The following ANO2 variants were observed in gnomAD, a reference collection of about 807,000 sequenced individuals.
ANO2 encodes the protein anoctamin 2, also known as anoctamin-2.
A neutral mutation model predicts 124.2 loss-of-function variants in ANO2; 101 were observed. The ratio of observed to expected loss-of-function variants is 0.81; its 90% CI spans 0.69 to 0.96. The LOEUF (loss-of-function observed/expected upper bound fraction) is 0.96. Ranked by LOEUF, ANO2 falls within the 40% of genes least tolerant of loss-of-function variation. ANO2 has a pLI of 0.00. For missense variants in ANO2, 1,293 were observed against 1,274.5 expected (o/e 1.01, Z -0.22); for synonymous variants, 486 against 482.5 (o/e 1.01, Z -0.09).
In ANO2 at chr12:5,811,259, G is replaced by A. The variant is rs183011714; in HGVS notation, c.893-3891C>T. Among the ~76,000 whole-genome samples, 24 of 152,272 alleles carry A rather than the reference G, an allele frequency of 1.6e-4. No homozygotes were observed. The East Asian group carries it at 1.7e-3, about 11-fold the overall frequency. On this transcript the variant is annotated intron_variant, in intron 7 of 24. Coordinates refer to ENST00000682330, the MANE Select transcript of ANO2 (RefSeq NM_001364791.2). ...GTGCTTTCATCCCTGCACTCCAGCCGGACGTAAATCTAAACCAGAACTCCC... is the reference window on the plus strand; with the variant it reads ...GTGCTTTCATCCCTGCACTCCAGCCAGACGTAAATCTAAACCAGAACTCCC...
At chr12:5,885,509 A>G (rs1043320115) in intron 3 of ANO2, among the ~76,000 whole-genome samples, 3 of 152,366 alleles carry the variant, frequency 2.0e-5, no homozygotes, top group South Asian at 2.1e-4. Context: ...CTAATGCACT[A>G]TATCACAAAT....
intron 14 of ANO2, among the ~76,000 whole-genome samples, chr12:5,691,732 C>T (rs1177870083): frequency 3.3e-5 from 5 of 151,960 alleles, no homozygotes; most frequent in Admixed American, 6.6e-5. Context: ...GGCAAAACCC[C>T]GTCTCTACTA....
chr12:5,875,097 A>G (rs564476375), intron 3 of ANO2, among the ~76,000 whole-genome samples: 1 of 152,328 alleles, frequency 6.6e-6, no homozygotes, highest in African/African-American at 2.4e-5. Flanking sequence ...AATTGTTTAC[A>G]TGTCTGTCTG....
intron 14 of ANO2, among the ~76,000 whole-genome samples, chr12:5,721,700 G>A (rs1197544718): frequency 6.6e-6 from 1 of 152,070 alleles, no homozygotes; most frequent in Non-Finnish European, 1.5e-5. Flanking sequence ...TAGAGACACG[G>A]TCTTACTACG....
chr12:5,628,428 G>A (rs1591770784), intron 16 of ANO2, among the ~76,000 whole-genome samples: 1 of 152,330 alleles, frequency 6.6e-6, no homozygotes, highest in Non-Finnish European at 1.5e-5. Context: ...TGGGGAACAA[G>A]GACAGCTACA....
intron 20 of ANO2, among the ~76,000 whole-genome samples, chr12:5,585,802 A>C (rs530196881): frequency 9.9e-5 from 15 of 152,208 alleles, no homozygotes; most frequent in Non-Finnish European, 2.1e-4. Context: ...CCCAAGCAAC[A>C]AATCATTACT....
At chr12:5,664,909 G>A (rs551193831) in intron 14 of ANO2, among the ~76,000 whole-genome samples, 3 of 152,308 alleles carry the variant, frequency 2.0e-5, no homozygotes, top group East Asian at 1.9e-4. Flanking sequence ...ATTTGATCAT[G>A]AAACTTTTTG....
chr12:5,834,233 A>T (rs1954246451), intron 4 of ANO2, among the ~76,000 whole-genome samples: 1 of 152,234 alleles, frequency 6.6e-6, no homozygotes, highest in Non-Finnish European at 1.5e-5. Context: ...AGTGTGGGCT[A>T]ATCTGTCAGG....
At chr12:5,571,686 TC>T (rs1239985180) in intron 23 of ANO2, among the ~76,000 whole-genome samples, 1 of 152,048 alleles carries the variant, frequency 6.6e-6, no homozygotes, top group Admixed American at 6.5e-5. Context: ...CTCCTCCTCC[TC>T]CCCTCTCTCT....
chr12:5,565,467 G>A (rs956031104), intron 24 of ANO2, 91 bp downstream of exon 24: 11 of 1,122,756 alleles, frequency 9.8e-6, no homozygotes, highest in African/African-American at 1.6e-5. Flanking sequence ...GAGTACCACC[G>A]GAACCTGGAG....
intron 19 of ANO2, 79 bp from the exon 20 acceptor site, chr12:5,599,708 C>T: frequency 6.6e-7 from 1 of 1,504,764 alleles, no homozygotes; most frequent in Non-Finnish European, 9.0e-7. Flanking sequence ...AGAAAAAGAA[C>T]ACAAAAGTTT....
rs1056086743 is a variant in ANO2 at position 5,900,321 on chromosome 12, G to C, written c.534+20719C>G. The stretch of plus-strand genomic sequence containing the variant: ...GACTTACTCCCTGGAACACATGGTT[G>C]TTTGGATCAGGCATCCGTTTCTGAG... On this transcript the variant is annotated intron_variant, in intron 3 of 24. Coordinates refer to ENST00000682330, the MANE Select transcript of ANO2 (RefSeq NM_001364791.2). This position sits in a 1 kb window ranked among gnomAD's most constrained non-coding sequence, Gnocchi z 4.2. 6.6e-6 allele frequency among the ~76,000 whole-genome samples: 1 copy of C among 152,218 alleles called. No homozygotes were observed. Among genetic ancestry groups the C allele is most frequent in the East Asian group, 1.9e-4 (1 of 5,206 alleles).
chr12:5,831,650 G>A, intron 5 of ANO2, among the ~76,000 whole-genome samples: 1 of 152,182 alleles, frequency 6.6e-6, no homozygotes, highest in East Asian at 1.9e-4. Flanking sequence ...GCATATTCAT[G>A]TGTGTAGGAT....
intron 1 of ANO2, among the ~76,000 whole-genome samples, chr12:5,940,062 AATGG>A (rs200562212): frequency 9.2e-5 from 14 of 151,482 alleles, no homozygotes; most frequent in Admixed American, 6.6e-4. Flanking sequence ...TTTTTAAATC[AATGG>A]ATGGATGGAT....
At chr12:5,661,227 A>T (rs1360040015) in intron 14 of ANO2, among the ~76,000 whole-genome samples, 1 of 152,166 alleles carries the variant, frequency 6.6e-6, no homozygotes, top group African/African-American at 2.4e-5. Flanking sequence ...TGGGTCACAT[A>T]GAATTTCTTA....
chr12:5,617,729 C>T (rs1157810838), intron 16 of ANO2, among the ~76,000 whole-genome samples: 2 of 152,186 alleles, frequency 1.3e-5, no homozygotes, highest in African/African-American at 4.8e-5. Flanking sequence ...CACTGTACCA[C>T]ACTCTCCGGA....
chr12:5,857,915 G>A (rs1565728142), intron 3 of ANO2, among the ~76,000 whole-genome samples: 1 of 152,146 alleles, frequency 6.6e-6, no homozygotes, highest in South Asian at 2.1e-4. Flanking sequence ...AGTGAAATAG[G>A]CCAGACACAG....
At chr12:5,660,280 A>G (rs577011976) in intron 14 of ANO2, among the ~76,000 whole-genome samples, 4 of 151,714 alleles carry the variant, frequency 2.6e-5, no homozygotes, top group African/African-American at 9.7e-5. Flanking sequence ...AAGCCAAATG[A>G]CTATGAACTT....
intron 3 of ANO2, among the ~76,000 whole-genome samples, chr12:5,884,741 T>C (rs1402285133): frequency 6.6e-6 from 1 of 152,190 alleles, no homozygotes; most frequent in Non-Finnish European, 1.5e-5. Flanking sequence ...GACCTGCAGA[T>C]TGCTCTAGAC....
Sources: gnomAD v4.1 joint callset for allele counts (sites outside exome capture counted in the v4.1 genomes callset) on GRCh38, gnomAD v4.1.1 for gene constraint, Gnocchi (gnomAD v3.1) non-coding constraint, MANE v1.5 for transcripts, NCBI Gene and HGNC (gene_info 2026-07-23, HGNC 2026-07-21) for gene names.